INPP5A: variants seen among roughly 807,000 people sequenced by gnomAD.
INPP5A encodes 43 kDa inositol polyphosphate 5-phophatase.
INPP5A carries 14 observed loss-of-function variants against 65.2 expected under a neutral mutation model. The observed-to-expected ratio is 0.21, with a 90% confidence interval of 0.14 to 0.34. The LOEUF is 0.34. Among genes scored for constraint, INPP5A ranks in the 10% least tolerant of loss-of-function variants. The pLI is 1.00. For synonymous variants in INPP5A, 207 were observed against 208.3 expected, an observed-to-expected ratio of 0.99 and a Z score of 0.05; for missense variants, 431 against 545.6, an observed-to-expected ratio of 0.79 and a Z score of 2.09.
chr10:132,659,251 C>T lies in INPP5A; in HGVS notation c.306+8746C>T, dbSNP rs1326463166. Among the ~76,000 whole-genome samples the T allele has an allele frequency of 6.6e-6, 1 of 152,198 alleles. No individual in the cohort carries two copies. Among genetic ancestry groups the T allele is most frequent in the African/African-American group, 2.4e-5 (1 of 41,454 alleles). ...AGGAAGCAGGAAGTCCTGTCAGGAG[C>T]TGGAGCACTGAGAAAGGCACCTTGC... On this transcript the variant is annotated intron_variant, in intron 4 of 15. Coordinates refer to ENST00000368594, the MANE Select transcript of INPP5A (RefSeq NM_005539.5). This position sits in a 1 kb window ranked among gnomAD's most constrained non-coding sequence, Gnocchi z 5.5.
In INPP5A at chr10:132,722,730, C is replaced by A. The variant is rs555597287; in HGVS notation, c.648-4091C>A. ...CAGCCCCTCCTCCCAGTGCCTCCGC[C>A]GCGTAATGAGACCACTTGTCAAAAC... On this transcript the variant is annotated intron_variant, in intron 8 of 15. Coordinates refer to ENST00000368594, the MANE Select transcript of INPP5A (RefSeq NM_005539.5). 2.0e-5 allele frequency among the ~76,000 whole-genome samples: 3 copies of A among 152,292 alleles called. No homozygotes were observed. The South Asian group carries it at 6.2e-4, about 32-fold the overall frequency.
At chr10:132,686,933 G>T (rs1452686121) in intron 4 of INPP5A, among the ~76,000 whole-genome samples, 1 of 152,188 alleles carries the variant, frequency 6.6e-6, no homozygotes, top group East Asian at 1.9e-4. Context: ...GATGAACACT[G>T]GCTTTTTAAT....
chr10:132,777,626 C>A, intron 12 of INPP5A, 45 bp from the exon 13 acceptor site: 1 of 1,572,184 alleles, frequency 6.4e-7, no homozygotes, highest in Non-Finnish European at 8.7e-7. Flanking sequence ...GGGCTGAGGA[C>A]GGCCCGAGCC....
chr10:132,571,152 G>A lies in INPP5A; in HGVS notation c.75+32981G>A, dbSNP rs529711762. On this transcript the variant is annotated intron_variant, in intron 1 of 15. Coordinates refer to ENST00000368594, the MANE Select transcript of INPP5A (RefSeq NM_005539.5). Reference sequence around the variant, plus strand: ...CTGGGCCCTTTGGACACCTTCCCTGGCCCTGACAGCAGCTACCTGGGAATG... The same window carrying A: ...CTGGGCCCTTTGGACACCTTCCCTGACCCTGACAGCAGCTACCTGGGAATG... Among the ~76,000 whole-genome samples the A allele has an allele frequency of 2.6e-5, 4 of 152,386 alleles. No individual in the cohort carries two copies. In the South Asian group the frequency reaches 6.2e-4, roughly 24 times the overall value.
intron 2 of INPP5A, among the ~76,000 whole-genome samples, chr10:132,639,633 G>T (rs1299754713): frequency 6.6e-6 from 1 of 152,132 alleles, no homozygotes; most frequent in Admixed American, 6.5e-5. Context: ...CTAAATTTGG[G>T]GACATTTTGG....
At chr10:132,680,166 A>G (rs2073023491) in intron 4 of INPP5A, among the ~76,000 whole-genome samples, 1 of 152,242 alleles carries the variant, frequency 6.6e-6, no homozygotes, top group African/African-American at 2.4e-5. Context: ...TAAAAAGGCA[A>G]CCGTGGAATG....
In INPP5A at chr10:132,635,810, A is replaced by T. The variant is rs113861498; in HGVS notation, c.118-10058A>T. ...CAAGATCCCTGTCTCTCGAAGATTT[A>T]AAAAAAAAAAAAATTAGCTGGGTTT... On this transcript the variant is annotated intron_variant, in intron 2 of 15. Transcript: ENST00000368594. Among the ~76,000 whole-genome samples the T allele has an allele frequency of 2.5e-3, 358 of 142,870 alleles. 2 individuals are homozygous for T. The highest frequency in any genetic ancestry group is 8.5e-3 in the African/African-American group (334 of 39,076). The allele number at this position is 142,870 out of a possible 152,430, so 93.7% of individuals were successfully genotyped here.
At chr10:132,738,087 C>G (rs780735261) in intron 9 of INPP5A, among the ~76,000 whole-genome samples, 84 of 152,206 alleles carry the variant, frequency 5.5e-4, no homozygotes, top group Non-Finnish European at 7.8e-4. Context: ...TTTTTGGACT[C>G]ACTCCTAAAT....
At chr10:132,669,013 G>A (rs913671481) in intron 4 of INPP5A, among the ~76,000 whole-genome samples, 2 of 152,134 alleles carry the variant, frequency 1.3e-5, no homozygotes, top group African/African-American at 4.8e-5. Flanking sequence ...CCAGCATTTT[G>A]GGAGGCCGAG....
At chr10:132,729,440 C>T (rs1406475045) in intron 9 of INPP5A, among the ~76,000 whole-genome samples, 1 of 152,198 alleles carries the variant, frequency 6.6e-6, no homozygotes, top group Non-Finnish European at 1.5e-5. Flanking sequence ...CAGCTCCTGC[C>T]CAGGTCTAGA....
At chr10:132,561,275 T>G (rs936383441) in intron 1 of INPP5A, among the ~76,000 whole-genome samples, 1 of 152,106 alleles carries the variant, frequency 6.6e-6, no homozygotes, top group East Asian at 1.9e-4. Context: ...AGAAGCCATT[T>G]CCTAATCAAG....
Position 132,775,864 on chromosome 10 carries a change from G to A in INPP5A, c.978-1807G>A, listed in dbSNP as rs115263242. 2.9e-3 allele frequency among the ~76,000 whole-genome samples: 447 copies of A among 152,290 alleles called. 6 individuals carry two copies. The highest frequency in any genetic ancestry group is 8.7e-3 in the African/African-American group (360 of 41,550). Reference sequence around the variant, plus strand: ...GCCCCCAGGGGACGCCAGGTGGCACGGGCTCTCCAAGCTCCATGGGGTGCA... The same window carrying A: ...GCCCCCAGGGGACGCCAGGTGGCACAGGCTCTCCAAGCTCCATGGGGTGCA... On this transcript the variant is annotated intron_variant, in intron 12 of 15. Coordinates refer to ENST00000368594, the MANE Select transcript of INPP5A (RefSeq NM_005539.5).
intron 4 of INPP5A, among the ~76,000 whole-genome samples, chr10:132,662,685 G>A (rs1345815306): frequency 6.6e-5 from 10 of 152,168 alleles, no homozygotes; most frequent in Admixed American, 1.3e-4. Flanking sequence ...CACCTTGGCC[G>A]AGGTGAGGAT....
At chr10:132,687,223 C>T (rs529603195) in intron 4 of INPP5A, among the ~76,000 whole-genome samples, 10 of 152,350 alleles carry the variant, frequency 6.6e-5, no homozygotes, top group African/African-American at 2.4e-4. Flanking sequence ...GTATTACAGG[C>T]GTGAGCCACC....
intron 1 of INPP5A, 148 bp from the exon 2 acceptor site, chr10:132,607,767 C>T (rs2071877934): frequency 1.3e-6 from 1 of 766,188 alleles, no homozygotes; most frequent in African/African-American, 1.7e-5. Flanking sequence ...CTGGGGTTTC[C>T]CCGTGCGGGT....
At chr10:132,767,168 G>A (rs1175982194) in intron 12 of INPP5A, among the ~76,000 whole-genome samples, 7 of 118,374 alleles carry the variant, frequency 5.9e-5, no homozygotes, top group African/African-American at 2.4e-4. Flanking sequence ...GGAGCCGGAG[G>A]ATGCGGCTTC....
At chr10:132,691,550 T>C (rs1845262191) in intron 5 of INPP5A, among the ~76,000 whole-genome samples, 1 of 152,254 alleles carries the variant, frequency 6.6e-6, no homozygotes, top group African/African-American at 2.4e-5. Context: ...TTTGTGTTTT[T>C]CAGTAGCCAT....
At chr10:132,726,111 CAGTGGAA>C (rs978866611) in intron 8 of INPP5A, among the ~76,000 whole-genome samples, 2 of 152,108 alleles carry the variant, frequency 1.3e-5, no homozygotes, top group African/African-American at 4.8e-5. Context: ...AGGGAAGCCG[CAGTGGAA>C]AAACCTTTAG....
intron 13 of INPP5A, among the ~76,000 whole-genome samples, chr10:132,778,212 G>A (rs1483358717): frequency 1.3e-5 from 2 of 149,888 alleles, no homozygotes; most frequent in Non-Finnish European, 2.9e-5. Context: ...TTTGAGCCTC[G>A]ATAAGTTAAA....
Sources: allele counts gnomAD v4.1 joint callset (sites outside exome capture counted in the v4.1 genomes callset), GRCh38; gene constraint gnomAD v4.1.1; non-coding constraint Gnocchi (gnomAD v3.1); transcripts MANE v1.5; gene names NCBI Gene and HGNC (gene_info 2026-07-23, HGNC 2026-07-21).